The following AGAP1 variants were observed in gnomAD, a reference collection of about 807,000 sequenced individuals.
The protein encoded by AGAP1 is arf-GAP with GTPase, ANK repeat and PH domain-containing protein 1.
Under a neutral mutation model 105.3 loss-of-function variants are expected in AGAP1, and 29 were observed. That is an observed-to-expected ratio of 0.28 (90% CI 0.21 to 0.38). The LOEUF is 0.38. Among genes scored for constraint, AGAP1 ranks in the 10% least tolerant of loss-of-function variants. The pLI is 1.00. For synonymous variants in AGAP1, 509 were observed against 485.9 expected (o/e 1.05, Z -0.63); for missense variants, 998 against 1,165.1 (o/e 0.86, Z 2.09).
At chr2:236,077,691 G>A (rs1226548056) in intron 16 of AGAP1, among the ~76,000 whole-genome samples, 1 of 152,206 alleles carries the variant, frequency 6.6e-6, no homozygotes, top group African/African-American at 2.4e-5. Flanking sequence ...TCATTACATA[G>A]TCATCCCCCT....
At position 236,036,672 on chromosome 2, in the gene AGAP1, A is replaced by G. The variant is rs778746496; in HGVS notation, c.1757A>G (p.Gln586Arg). The G allele has an allele frequency of 2.3e-5, 37 of 1,614,234 alleles. No individual in the cohort carries two copies. The highest frequency in any genetic ancestry group is 3.1e-5 in the Non-Finnish European group (36 of 1,180,038). Reference protein sequence around the residue: ...RDAWVQAIESQILASLQSCES... With the variant: ...RDAWVQAIESRILASLQSCES... ...GCCTGGGTCCAAGCCATCGAGAGCC[A>G]GATCCTGGCCAGCCTGCAGTCGTGC... The change falls in exon 14 of 18, where the codon CAG (glutamine) becomes CGG (arginine). Residue 586 changes from glutamine to arginine, a missense_variant. Around this residue, in one of 3 missense-constraint regions of AGAP1, gnomAD observed 735 missense variants for 833.4 expected, o/e 0.88. Transcript: ENST00000304032. The surrounding 1 kb of genome is among the most constrained non-coding windows in gnomAD (Gnocchi z 5.7).
intron 3 of AGAP1, among the ~76,000 whole-genome samples, chr2:235,722,044 G>C (rs1322831576): frequency 6.6e-6 from 1 of 152,332 alleles, no homozygotes; most frequent in Middle Eastern, 3.4e-3. Flanking sequence ...TTTTCAATTA[G>C]TGAATTAACA....
Position 235,729,340 on chromosome 2 carries a change from G to A in AGAP1, c.311-11623G>A, listed in dbSNP as rs553422135. Among the ~76,000 whole-genome samples the A allele has an allele frequency of 6.6e-6, 1 of 152,292 alleles. No individual in the cohort carries two copies. ...GCCACTTCAACTTGGGCAGCATCTC[G>A]GCTGGGAGCCCCAGGGAGCCTGGCA... On this transcript the variant is annotated intron_variant, in intron 3 of 17. Transcript: ENST00000304032. The surrounding 1 kb of genome is among the most constrained non-coding windows in gnomAD (Gnocchi z 5.0).
At chr2:235,647,208 G>T (rs1488419225) in intron 1 of AGAP1, among the ~76,000 whole-genome samples, 1 of 151,856 alleles carries the variant, frequency 6.6e-6, no homozygotes, top group Non-Finnish European at 1.5e-5. Flanking sequence ...CTTTTTAAAG[G>T]TTCCAGTCTG....
rs1373052150 is a variant in AGAP1, at chr2:235,517,663, G to A, written c.163+22814G>A. Among the ~76,000 whole-genome samples the A allele has an allele frequency of 6.6e-6, 1 of 152,162 alleles. No homozygotes were observed. Among genetic ancestry groups the A allele is most frequent in the Non-Finnish European group, 1.5e-5 (1 of 68,032 alleles). On this transcript the variant is annotated intron_variant, in intron 1 of 17. Transcript: ENST00000304032. This position sits in a 1 kb window ranked among gnomAD's most constrained non-coding sequence, Gnocchi z 4.1. ...ATTTAAAAAGAAGCCTGGGCCAGAT[G>A]CAGTGGCTCACACCTGTAATCCCAG...
Position 236,124,244 on chromosome 2 carries a change from C to G in AGAP1, c.*122C>G. On this transcript the variant is annotated 3_prime_UTR_variant, in exon 18 of 18. Transcript: ENST00000304032. The surrounding 1 kb of genome is among the most constrained non-coding windows in gnomAD (Gnocchi z 5.1). ...CTCCCTCTTCCTGGTGGCCACCTCC[C>G]TCCCGCCCACCCACTCTCACCCCAA... The G allele has an allele frequency of 9.0e-7, 1 of 1,110,032 alleles. No individual in the cohort carries two copies. The allele number at this position is 1,110,032 out of a possible 1,614,324, so 68.8% of individuals were successfully genotyped here. A position where few individuals can be genotyped will look rare whatever the true frequency, so the allele number is the denominator to read the frequency against.
rs140014200 is a variant in AGAP1, at chr2:235,693,469, T to C, written c.164-15710T>C. ...GCCTAGAGTGATCAGCCACCTGCAC[T>C]CCCAGCAGCCAGGTACTGAAGGCTT... On this transcript the variant is annotated intron_variant, in intron 1 of 17. Transcript: ENST00000304032. Among the ~76,000 whole-genome samples, 53 of 152,274 alleles carry C rather than the reference T, an allele frequency of 3.5e-4. 1 individual carries two copies. Among genetic ancestry groups the C allele is most frequent in the African/African-American group, 1.2e-3 (49 of 41,574 alleles).
At chr2:235,523,130 G>GGA (rs3051819) in intron 1 of AGAP1, among the ~76,000 whole-genome samples, 3 of 151,870 alleles carry the variant, frequency 2.0e-5, no homozygotes, top group Non-Finnish European at 2.9e-5. Flanking sequence ...CTCTCATGGT[G>GGA]GAGAGAGAGA....
At chr2:235,794,843 G>T (rs781524645) in intron 6 of AGAP1, among the ~76,000 whole-genome samples, 26 of 152,000 alleles carry the variant, frequency 1.7e-4, no homozygotes, top group Admixed American at 1.0e-3. Context: ...CATTTACATT[G>T]AACATATTTA....
rs930014191 is a variant in AGAP1 at position 235,728,234 on chromosome 2, A to G, written c.310+10590A>G. Among the ~76,000 whole-genome samples, 1 of 151,940 alleles carries G rather than the reference A, an allele frequency of 6.6e-6. No individual in the cohort carries two copies. The highest frequency in any genetic ancestry group is 1.5e-5 in the Non-Finnish European group (1 of 68,018). ...TCTGAGATGTAGTGAAAGTGCCCCC[A>G]AGCTCCCCGCTCCATTTCATGTGCT... On this transcript the variant is annotated intron_variant, in intron 3 of 17. Coordinates refer to ENST00000304032, the MANE Select transcript of AGAP1 (RefSeq NM_001037131.3). This position sits in a 1 kb window ranked among gnomAD's most constrained non-coding sequence, Gnocchi z 4.3.
At chr2:235,533,265 G>A (rs1943103655) in intron 1 of AGAP1, among the ~76,000 whole-genome samples, 1 of 152,170 alleles carries the variant, frequency 6.6e-6, no homozygotes, top group South Asian at 2.1e-4. Context: ...GATGAAAGAG[G>A]TTTTGACTTT....
At chr2:235,762,899 G>C (rs1575374660) in intron 6 of AGAP1, among the ~76,000 whole-genome samples, 1 of 152,078 alleles carries the variant, frequency 6.6e-6, no homozygotes, top group Non-Finnish European at 1.5e-5. Context: ...AAGATAGATT[G>C]TAAAACCTTC....
intron 1 of AGAP1, among the ~76,000 whole-genome samples, chr2:235,546,645 G>A (rs1196008534): frequency 1.3e-5 from 2 of 152,042 alleles, no homozygotes; most frequent in African/African-American, 2.4e-5. Context: ...GCGTGGTGAC[G>A]GGTGTGTGGG....
Position 235,729,129 on chromosome 2 carries a change from G to C in AGAP1, c.310+11485G>C, listed in dbSNP as rs990314675. Among the ~76,000 whole-genome samples, 11 of 152,148 alleles carry C rather than the reference G, an allele frequency of 7.2e-5. No homozygotes were observed. Among genetic ancestry groups the C allele is most frequent in the African/African-American group, 2.7e-4 (11 of 41,400 alleles). On this transcript the variant is annotated intron_variant, in intron 3 of 17. Transcript: ENST00000304032. This position sits in a 1 kb window ranked among gnomAD's most constrained non-coding sequence, Gnocchi z 5.0. ...GAGGGGGACCTAAGAGGACAGATAG[G>C]GGAATCCCCAGGCCACCTCTGGACC...
intron 13 of AGAP1, among the ~76,000 whole-genome samples, chr2:236,016,098 C>A (rs922256228): frequency 7.9e-5 from 12 of 151,964 alleles, no homozygotes; most frequent in Non-Finnish European, 1.6e-4. Flanking sequence ...TGTTAAAGAG[C>A]CATTTTTTAA....
At chr2:236,016,239 G>T (rs1475292727) in intron 13 of AGAP1, among the ~76,000 whole-genome samples, 4 of 152,062 alleles carry the variant, frequency 2.6e-5, no homozygotes, top group Non-Finnish European at 4.4e-5. Flanking sequence ...AAGAATAGAA[G>T]TTAAGAAACG....
chr2:235,726,112 A>G (rs535348445), intron 3 of AGAP1, among the ~76,000 whole-genome samples: 2 of 152,350 alleles, frequency 1.3e-5, no homozygotes, highest in South Asian at 4.1e-4. Flanking sequence ...ACCAAAAGCC[A>G]TACTGGGCCT....
At chr2:235,996,479 A>G (rs1484351679) in intron 13 of AGAP1, among the ~76,000 whole-genome samples, 1 of 152,206 alleles carries the variant, frequency 6.6e-6, no homozygotes, top group Non-Finnish European at 1.5e-5. Flanking sequence ...TCCTTTTATG[A>G]AAATATTCTT....
intron 13 of AGAP1, among the ~76,000 whole-genome samples, chr2:236,023,496 G>A (rs1207638312): frequency 6.6e-6 from 1 of 152,226 alleles, no homozygotes; most frequent in Non-Finnish European, 1.5e-5. Context: ...AAAGGGCTTG[G>A]CGGAAGGTAA....
Sources: gnomAD v4.1 joint callset for allele counts (sites outside exome capture counted in the v4.1 genomes callset) on GRCh38, gnomAD v4.1.1 for gene constraint, gnomAD v4.1.1 regional missense constraint, Gnocchi (gnomAD v3.1) non-coding constraint, MANE v1.5 for transcripts, NCBI Gene and HGNC (gene_info 2026-07-23, HGNC 2026-07-21) for gene names.